Variants in GRM5 observed in about 807,000 individuals in gnomAD.
The protein encoded by GRM5 is metabotropic glutamate receptor 5.
A neutral mutation model predicts 83.1 loss-of-function variants in GRM5; 19 were observed. That is an observed-to-expected ratio of 0.23 (90% CI 0.16 to 0.34). The LOEUF is 0.34. Among genes scored for constraint, GRM5 ranks in the 10% least tolerant of loss-of-function variants. The probability of loss-of-function intolerance (pLI) is 1.00; values close to 1 mark genes in which losing one functional copy is unlikely to be tolerated. For missense variants in GRM5, 1,160 were observed against 1,588.3 expected (o/e 0.73, Z 4.58); for synonymous variants, 675 against 633.6 (o/e 1.07, Z -0.98).
chr11:88,855,479 T>TA (rs1944458036), intron 2 of GRM5, among the ~76,000 whole-genome samples: 1 of 151,880 alleles, frequency 6.6e-6, no homozygotes, highest in African/African-American at 2.4e-5. Context: ...ATTATTTAAT[T>TA]ACGGTATTTG....
intron 3 of GRM5, among the ~76,000 whole-genome samples, chr11:88,697,763 C>T (rs1940935667): frequency 6.6e-6 from 1 of 152,198 alleles, no homozygotes; most frequent in African/African-American, 2.4e-5. Context: ...ATAGCACTGA[C>T]AAAAGCTCTA....
At chr11:88,923,837 T>C (rs1434428337) in intron 2 of GRM5, among the ~76,000 whole-genome samples, 1 of 126,476 alleles carries the variant, frequency 7.9e-6, no homozygotes, top group African/African-American at 2.9e-5. Flanking sequence ...TTCGTATACC[T>C]GAATATATAT....
rs746209459 is a variant in GRM5, at chr11:88,509,457, C to T, written c.2774G>A (p.Arg925Gln). Residue 925 changes from arginine (R) to glutamine (Q), a missense_variant, in exon 10 of 10, where the codon CGG becomes CAG. By Grantham distance (43) the Arg-to-Gln change is conservative (BLOSUM62 1). Coordinates refer to ENST00000305447, the MANE Select transcript of GRM5 (RefSeq NM_001143831.3). ...VTWAQNEKSSRGQHLWQRLSI... is the reference protein window; with the variant it reads ...VTWAQNEKSSQGQHLWQRLSI... Reference sequence around the variant, plus strand: ...CAGGCGCTGCCACAGGTGCTGCCCCCGGCTGCTCTTCTCATTCTGGGCCCA... The same window carrying T: ...CAGGCGCTGCCACAGGTGCTGCCCCTGGCTGCTCTTCTCATTCTGGGCCCA... 64 of 1,612,402 alleles carry T rather than the reference C, an allele frequency of 4.0e-5. No individual in the cohort carries two copies. Among genetic ancestry groups the T allele is most frequent in the Admixed American group, 1.0e-4 (6 of 59,932 alleles).
chr11:88,658,800 T>TAC (rs1461619765), intron 3 of GRM5, among the ~76,000 whole-genome samples: 2 of 152,134 alleles, frequency 1.3e-5, no homozygotes, highest in Non-Finnish European at 2.9e-5. Flanking sequence ...TGCAGCTATG[T>TAC]AGGGTGCACA....
chr11:88,777,995 A>G (rs1190494964), intron 3 of GRM5, among the ~76,000 whole-genome samples: 3 of 151,944 alleles, frequency 2.0e-5, no homozygotes, highest in Admixed American at 2.0e-4. Flanking sequence ...CAGAGCTGTC[A>G]GACAGGGACG....
intron 2 of GRM5, among the ~76,000 whole-genome samples, chr11:88,948,733 G>A (rs544698438): frequency 3.3e-5 from 5 of 152,164 alleles, no homozygotes; most frequent in African/African-American, 1.2e-4. Flanking sequence ...AATCAAGAAA[G>A]CTATTGCTCT....
intron 3 of GRM5, among the ~76,000 whole-genome samples, chr11:88,698,733 A>C (rs1940958798): frequency 6.6e-6 from 1 of 152,190 alleles, no homozygotes; most frequent in South Asian, 2.1e-4. Context: ...GTTAGACTGC[A>C]GTCTCAGTGA....
intron 2 of GRM5, among the ~76,000 whole-genome samples, chr11:88,988,627 T>A (rs913109131): frequency 1.3e-5 from 2 of 150,980 alleles, no homozygotes; most frequent in African/African-American, 2.4e-5. Context: ...CGGGTTACCC[T>A]CAAAGGGAAG....
chr11:89,034,845 C>CT (rs557239573), intron 2 of GRM5, among the ~76,000 whole-genome samples: 59,052 of 133,406 alleles, frequency 0.44, 13,680 homozygotes, highest in South Asian at 0.63. Flanking sequence ...CCCTCAAATC[C>CT]TTTTTTTTTT....
At chr11:88,821,816 C>G (rs1443742754) in intron 3 of GRM5, among the ~76,000 whole-genome samples, 1 of 152,124 alleles carries the variant, frequency 6.6e-6, no homozygotes, top group Non-Finnish European at 1.5e-5. Context: ...GAAAAACACC[C>G]TTAACTCATG....
intron 2 of GRM5, among the ~76,000 whole-genome samples, chr11:88,995,055 C>T (rs1171212965): frequency 6.6e-6 from 1 of 152,098 alleles, no homozygotes; most frequent in Non-Finnish European, 1.5e-5. Flanking sequence ...AGCTCCTAAA[C>T]TTTGAGAATT....
chr11:88,934,081 C>CA (rs1281577058), intron 2 of GRM5, among the ~76,000 whole-genome samples: 3 of 151,528 alleles, frequency 2.0e-5, no homozygotes, highest in East Asian at 1.9e-4. Flanking sequence ...AAAAAGCAAA[C>CA]AAAAAATCTT....
Position 88,794,263 on chromosome 11 carries a change from G to A in GRM5, c.911+55643C>T, listed in dbSNP as rs79335931. On this transcript the variant is annotated intron_variant, in intron 3 of 9. Transcript: ENST00000305447. Reference sequence around the variant, plus strand: ...CCTGAATGGTCTACCTGCCTCTAATGTTACCCCATGTTCAAGCCACTATTT... The same window carrying A: ...CCTGAATGGTCTACCTGCCTCTAATATTACCCCATGTTCAAGCCACTATTT... 5.8e-3 allele frequency among the ~76,000 whole-genome samples: 884 copies of A among 152,134 alleles called. 18 individuals are homozygous for A. The East Asian group carries it at 0.072, about 12-fold the overall frequency.
intron 3 of GRM5, among the ~76,000 whole-genome samples, chr11:88,808,506 T>C (rs1415136109): frequency 6.6e-6 from 1 of 151,980 alleles, no homozygotes; most frequent in Non-Finnish European, 1.5e-5. Flanking sequence ...CATGGATCTT[T>C]ATAGTTAAAT....
At chr11:88,592,980 T>A (rs186058295) in intron 6 of GRM5, among the ~76,000 whole-genome samples, 2 of 152,052 alleles carry the variant, frequency 1.3e-5, no homozygotes, top group Non-Finnish European at 2.9e-5. Context: ...TGCCCAATTA[T>A]TTTTGTTCCT....
intron 7 of GRM5, among the ~76,000 whole-genome samples, chr11:88,585,717 C>T (rs999088114): frequency 6.6e-6 from 1 of 152,156 alleles, no homozygotes; most frequent in African/African-American, 2.4e-5. Context: ...CCATTCTGGC[C>T]TTCTCTGTTG....
chr11:88,525,249 G>A (rs1485342356), intron 9 of GRM5, 60 bp downstream of exon 9: 1 of 968,172 alleles, frequency 1.0e-6, no homozygotes, highest in South Asian at 1.4e-5. Flanking sequence ...GGAGCCACAT[G>A]TTCCTCTAGC....
chr11:88,931,077 G>GC (rs1937687514), intron 2 of GRM5, among the ~76,000 whole-genome samples: 1 of 151,738 alleles, frequency 6.6e-6, no homozygotes, highest in Non-Finnish European at 1.5e-5. Flanking sequence ...TTTAATGAGA[G>GC]TTTTTTTAAA....
At chr11:88,734,814 G>A (rs1377284841) in intron 3 of GRM5, among the ~76,000 whole-genome samples, 4 of 152,032 alleles carry the variant, frequency 2.6e-5, no homozygotes, top group Admixed American at 6.6e-5. Flanking sequence ...TTTATTAAGT[G>A]TTTGTTATTG....
Sources: gnomAD v4.1 joint callset for allele counts (sites outside exome capture counted in the v4.1 genomes callset) on GRCh38, gnomAD v4.1.1 for gene constraint, MANE v1.5 for transcripts, NCBI Gene and HGNC (gene_info 2026-07-23, HGNC 2026-07-21) for gene names.